The following BAZ1A variants were observed in gnomAD, a reference collection of about 807,000 sequenced individuals.
The protein encoded by BAZ1A is bromodomain adjacent to zinc finger domain protein 1A.
In BAZ1A, 50 loss-of-function variants were observed where a neutral mutation model predicts 185.2. The observed-to-expected ratio is 0.27, with a 90% CI of 0.22 to 0.34. The LOEUF is 0.34. BAZ1A is among the 10% of genes least tolerant of loss of function. The pLI is 1.00. For synonymous variants in BAZ1A, 571 were observed against 615.6 expected (o/e 0.93, Z 1.07); for missense variants, 1,356 against 1,839.9 (o/e 0.74, Z 4.81).
At chr14:34,824,211 A>AAC (rs957052417) in intron 4 of BAZ1A, among the ~76,000 whole-genome samples, 1 of 149,858 alleles carries the variant, frequency 6.7e-6, no homozygotes, top group African/African-American at 2.5e-5. Context: ...AAAAAAAAAA[A>AAC]AAAAAATTAA....
chr14:34,816,052 T>A (rs2042001302), intron 4 of BAZ1A, among the ~76,000 whole-genome samples: 1 of 151,670 alleles, frequency 6.6e-6, no homozygotes, highest in African/African-American at 2.4e-5. Flanking sequence ...TACATATATT[T>A]TGAAGCTACA....
rs1239146071 is a variant in BAZ1A at position 34,792,863 on chromosome 14, A to C, written c.1422T>G (p.Leu474=). 2 of 1,613,986 alleles carry C rather than the reference A, an allele frequency of 1.2e-6. No homozygotes were observed. Among genetic ancestry groups the C allele is most frequent in the South Asian group, 1.1e-5 (1 of 91,044 alleles). The change falls in exon 12 of 27, where the codon CTT becomes CTG. Residue 474 remains leucine (L), a synonymous_variant. Coordinates refer to ENST00000360310, the MANE Select transcript of BAZ1A (RefSeq NM_013448.3). ...GGAAGATTGCAGTCAGGAAGAAAAAAAGCAATTCACACAGTGGGCCTTCAC... is the reference window on the plus strand; with the variant it reads ...GGAAGATTGCAGTCAGGAAGAAAAACAGCAATTCACACAGTGGGCCTTCAC... ...NDSEGPLCEL[L]FFFLTAIFQA... is the part of the protein sequence containing the mutation.
intron 5 of BAZ1A, 56 bp from the exon 6 acceptor site, chr14:34,807,594 C>T: frequency 8.0e-7 from 1 of 1,256,030 alleles, no homozygotes. Context: ...GAGTTCAACC[C>T]CAACTCCATA....
chr14:34,811,601 C>T (rs1385832540), intron 4 of BAZ1A, among the ~76,000 whole-genome samples: 1 of 152,140 alleles, frequency 6.6e-6, no homozygotes, highest in Admixed American at 6.6e-5. Flanking sequence ...GTTGGCATTA[C>T]AGGCATGAGC....
At position 34,765,111 on chromosome 14, in the gene BAZ1A, T is replaced by C; in HGVS notation, c.3459A>G (p.Ile1153Met). The C allele has an allele frequency of 6.2e-7, 1 of 1,614,198 alleles. No individual in the cohort carries two copies. ...TTTCAGCATCGCCTTTCTTTCGACA[T>C]ATCTTGCAACGCGCATTCAGTATAG... Reference protein sequence around the residue: ...SKSILNARCKICRKKGDAENM... With the variant: ...SKSILNARCKMCRKKGDAENM... Residue 1153 changes from isoleucine (I) to methionine (M), a missense_variant, in exon 22 of 27, where the codon ATA (isoleucine) becomes ATG (methionine). By Grantham distance (10) the Ile-to-Met change is conservative (BLOSUM62 1). Transcript: ENST00000360310.
At chr14:34,806,613 G>C (rs564536885) in intron 6 of BAZ1A, among the ~76,000 whole-genome samples, 84 of 152,076 alleles carry the variant, frequency 5.5e-4, no homozygotes, top group Non-Finnish European at 2.8e-4. Context: ...ATTACTTTGA[G>C]TTTTACCATT....
chr14:34,845,374 T>C (rs1392938940), intron 3 of BAZ1A: 1 of 151,940 alleles, frequency 6.6e-6, no homozygotes, highest in African/African-American at 2.4e-5. Flanking sequence ...TCCTTTATCT[T>C]TGGATGACCT....
At chr14:34,830,984 C>T (rs772539962) in intron 3 of BAZ1A, among the ~76,000 whole-genome samples, 5 of 151,936 alleles carry the variant, frequency 3.3e-5, no homozygotes, top group Non-Finnish European at 4.4e-5. Flanking sequence ...GCCTCTACAA[C>T]TCTTATGCAA....
At chr14:34,863,151 G>GC (rs1430127422) in intron 2 of BAZ1A, among the ~76,000 whole-genome samples, 1 of 107,226 alleles carries the variant, frequency 9.3e-6, no homozygotes, top group Non-Finnish European at 1.8e-5. Flanking sequence ...ACCACGCTCG[G>GC]CTTTTTTTTT....
Position 34,778,799 on chromosome 14 carries a change from T to C in BAZ1A, c.2236+1387A>G, listed in dbSNP as rs930133429. Among the ~76,000 whole-genome samples, 25 of 152,362 alleles carry C rather than the reference T, an allele frequency of 1.6e-4. No homozygotes were observed. In the South Asian group the frequency reaches 3.1e-3, roughly 19 times the overall value. On this transcript the variant is annotated intron_variant, in intron 17 of 26. Transcript: ENST00000360310. ...AAATCAATTTCAACAAAGGTTTGTC[T>C]AGTTTGTCTTTCTCAGACAAACACA...
chr14:34,794,088 C>A (rs146933751), intron 11 of BAZ1A, among the ~76,000 whole-genome samples: 1 of 151,818 alleles, frequency 6.6e-6, no homozygotes, highest in African/African-American at 2.4e-5. Flanking sequence ...GCCGAGATTG[C>A]GCCACTGCAC....
chr14:34,868,123 C>G (rs1042692309), intron 2 of BAZ1A, among the ~76,000 whole-genome samples: 1 of 152,198 alleles, frequency 6.6e-6, no homozygotes, highest in Non-Finnish European at 1.5e-5. Context: ...GGCACAGAGA[C>G]CAAACCCTGC....
In BAZ1A at chr14:34,817,672, T is replaced by A. The variant is rs973304495; in HGVS notation, c.537-6636A>T. On this transcript the variant is annotated intron_variant, in intron 4 of 26. Coordinates refer to ENST00000360310, the MANE Select transcript of BAZ1A (RefSeq NM_013448.3). ...AAAGACAAACAACCCAATTTAAAAA[T>A]AGGCAAAGAACTTGAATGGGTATTT... 2.0e-5 allele frequency among the ~76,000 whole-genome samples: 3 copies of A among 152,180 alleles called. No individual in the cohort carries two copies. The South Asian group carries it at 6.2e-4, about 32-fold the overall frequency.
intron 11 of BAZ1A, 85 bp from the exon 12 acceptor site, chr14:34,793,006 A>G (rs1310855500): frequency 4.9e-5 from 60 of 1,229,904 alleles, no homozygotes; most frequent in Non-Finnish European, 5.6e-5. Context: ...TGTAATCAAC[A>G]ATAGTATGTG....
rs1421214313 is a variant in BAZ1A, at chr14:34,801,105, A to T, written c.950T>A (p.Met317Lys). 2 of 1,594,868 alleles carry T rather than the reference A, an allele frequency of 1.3e-6. No individual in the cohort carries two copies. Reference protein sequence around the residue: ...ERDKLLKQEEMKSLAFEKAKL... With the variant: ...ERDKLLKQEEKKSLAFEKAKL... ...ATGTTAAAACTCACCCAGTGACTTCATTTCTTCTTGTTTCAAAAGTTTATC... is the reference window on the plus strand; with the variant it reads ...ATGTTAAAACTCACCCAGTGACTTCTTTTCTTCTTGTTTCAAAAGTTTATC... Residue 317 changes from methionine to lysine, a missense_variant, in exon 8 of 27, where the codon ATG becomes AAG. Coordinates refer to ENST00000360310, the MANE Select transcript of BAZ1A (RefSeq NM_013448.3).
chr14:34,824,396 A>AAAAAAC, intron 4 of BAZ1A, among the ~76,000 whole-genome samples: 1 of 121,148 alleles, frequency 8.3e-6, no homozygotes, highest in Non-Finnish European at 1.7e-5. Context: ...AAAAAAAAAA[A>AAAAAAC]AAGCAGCAAC....
chr14:34,867,063 T>C (rs1238767145), intron 2 of BAZ1A, among the ~76,000 whole-genome samples: 1 of 151,812 alleles, frequency 6.6e-6, no homozygotes, highest in Non-Finnish European at 1.5e-5. Flanking sequence ...ATCGAGCACA[T>C]GCTGGCTAAC....
intron 3 of BAZ1A, among the ~76,000 whole-genome samples, chr14:34,844,468 T>G (rs2042470392): frequency 6.6e-6 from 1 of 151,942 alleles, no homozygotes; most frequent in South Asian, 2.1e-4. Flanking sequence ...ACAGACTCAA[T>G]GCAATCCCTA....
intron 2 of BAZ1A, among the ~76,000 whole-genome samples, chr14:34,864,771 A>AATAAATT (rs1481522252): frequency 7.6e-6 from 1 of 131,638 alleles, no homozygotes; most frequent in African/African-American, 2.8e-5. Flanking sequence ...CACACAGCGC[A>AATAAATT]ATAAATTTTT....
Sources: allele counts gnomAD v4.1 joint callset (sites outside exome capture counted in the v4.1 genomes callset), GRCh38; gene constraint gnomAD v4.1.1; transcripts MANE v1.5; gene names NCBI Gene and HGNC (gene_info 2026-07-23, HGNC 2026-07-21).